The following CDH19 variants were observed in gnomAD, a reference collection of about 807,000 sequenced individuals.
The protein encoded by CDH19 is cadherin-19.
In CDH19, 67 loss-of-function variants were observed where a neutral mutation model predicts 64.2. The observed-to-expected ratio is 1.04, with a 90% confidence interval of 0.86 to 1.28. The LOEUF (loss-of-function observed/expected upper bound fraction) is 1.28. Among genes scored for constraint, CDH19 ranks in the 50% most tolerant of loss-of-function variants. The pLI, the probability that CDH19 is intolerant of heterozygous loss-of-function variation, is 0.00. For missense variants in CDH19, 1,030 were observed against 929.0 expected (o/e 1.11, Z -1.41); for synonymous variants, 346 against 319.3 (o/e 1.08, Z -0.89).
At chr18:66,514,094 T>A (rs554913005) in intron 9 of CDH19, among the ~76,000 whole-genome samples, 1 of 151,620 alleles carries the variant, frequency 6.6e-6, no homozygotes, top group South Asian at 2.1e-4. Flanking sequence ...TGTTCCCATG[T>A]TATAAATGTT....
intron 7 of CDH19, among the ~76,000 whole-genome samples, chr18:66,538,100 C>A (rs141834534): frequency 4.6e-5 from 7 of 151,902 alleles, no homozygotes; most frequent in Non-Finnish European, 7.4e-5. Context: ...CACTGCAATC[C>A]CTAAATAGTA....
At chr18:66,545,349 A>T (rs1416099582) in intron 5 of CDH19, among the ~76,000 whole-genome samples, 1 of 151,068 alleles carries the variant, frequency 6.6e-6, no homozygotes, top group African/African-American at 2.4e-5. Flanking sequence ...CTTGTTCTTA[A>T]TCTTTCTTTA....
At chr18:66,533,651 A>G (rs1318686701) in intron 8 of CDH19, among the ~76,000 whole-genome samples, 2 of 152,002 alleles carry the variant, frequency 1.3e-5, no homozygotes, top group African/African-American at 4.8e-5. Context: ...CTTAGCTAGC[A>G]TACTGATAAA....
rs1274759719 is a variant in CDH19 at position 66,504,315 on chromosome 18, A to G, written c.*497T>C. 1.8e-5 allele frequency: 2 copies of G among 113,896 alleles called. No homozygotes were observed. Among genetic ancestry groups the G allele is most frequent in the Non-Finnish European group, 3.9e-5 (2 of 51,110 alleles). 7.1% of individuals were successfully genotyped at this position (113,896 alleles called of 1,614,324 possible). ...TCTTTTTTTTTTTTTTTTTTTTTAA[A>G]TAAAGGAAACAATACTTCATGGAAT... On this transcript the variant is annotated 3_prime_UTR_variant, in exon 12 of 12. Coordinates refer to ENST00000262150, the MANE Select transcript of CDH19 (RefSeq NM_021153.4).
rs1382135018 is a variant in CDH19 at position 66,502,924 on chromosome 18, T to A, written c.*1888A>T. 6.6e-6 allele frequency: 1 copy of A among 151,918 alleles called. No homozygotes were observed. The highest frequency in any genetic ancestry group is 2.4e-5 in the African/African-American group (1 of 41,438). 9.4% of individuals were successfully genotyped at this position (151,918 alleles called of 1,614,324 possible). On this transcript the variant is annotated 3_prime_UTR_variant, in exon 12 of 12. Coordinates refer to ENST00000262150, the MANE Select transcript of CDH19 (RefSeq NM_021153.4). ...CAATTTAATGGTGCCTGTTTCAGATTGATGAAAAACTTTCTTTATTATGTG... is the reference window on the plus strand; with the variant it reads ...CAATTTAATGGTGCCTGTTTCAGATAGATGAAAAACTTTCTTTATTATGTG...
chr18:66,520,770 A>T (rs1301227953), intron 9 of CDH19, among the ~76,000 whole-genome samples: 1 of 152,064 alleles, frequency 6.6e-6, no homozygotes, highest in Admixed American at 6.5e-5. Context: ...TTTTCAATAC[A>T]AGTCTTCAAG....
In CDH19 at chr18:66,568,550, A is replaced by G. The variant is rs570335688; in HGVS notation, c.356T>C (p.Val119Ala). ...AGCCCTTCCAGTAGCGATGTCTATT[A>G]CCTGGGCTCTTAAGATGTAGAGGGA... ...ERSLYILRAQ[V>A]IDIATGRAVE... The change falls in exon 3 of 12, where the codon GTA (valine) becomes GCA (alanine). Residue 119 changes from valine (V) to alanine (A), a missense_variant. Val to Ala is a moderately conservative substitution (Grantham distance 64, BLOSUM62 0). Coordinates refer to ENST00000262150, the MANE Select transcript of CDH19 (RefSeq NM_021153.4). The G allele has an allele frequency of 6.2e-7, 1 of 1,612,184 alleles. No individual in the cohort carries two copies. Among genetic ancestry groups the G allele is most frequent in the Admixed American group, 1.7e-5 (1 of 59,748 alleles).
At chr18:66,581,835 T>G (rs1988429919) in intron 1 of CDH19, among the ~76,000 whole-genome samples, 2 of 152,102 alleles carry the variant, frequency 1.3e-5, no homozygotes, top group Non-Finnish European at 2.9e-5. Context: ...TTAATTCTCC[T>G]AATAAACTCC....
intron 1 of CDH19, chr18:66,596,173 G>C (rs994534263): frequency 2.0e-5 from 3 of 151,902 alleles, no homozygotes; most frequent in Non-Finnish European, 4.4e-5. Context: ...AATATAATAA[G>C]AGCCATCTAT....
intron 5 of CDH19, among the ~76,000 whole-genome samples, chr18:66,545,996 C>T (rs1444777880): frequency 6.6e-6 from 1 of 151,124 alleles, no homozygotes; most frequent in East Asian, 1.9e-4. Context: ...TGATATAGAA[C>T]TATACTATTT....
chr18:66,575,210 TA>T (rs1486425109), intron 1 of CDH19, among the ~76,000 whole-genome samples: 4 of 151,826 alleles, frequency 2.6e-5, no homozygotes, highest in Non-Finnish European at 5.9e-5. Context: ...AGTCATTTTT[TA>T]TGGACTCTGG....
chr18:66,596,943 G>C (rs542462070), intron 1 of CDH19, among the ~76,000 whole-genome samples: 1 of 147,916 alleles, frequency 6.8e-6, no homozygotes, highest in Admixed American at 6.8e-5. Context: ...TTAGCCGGGC[G>C]TAGTGGCGGG....
At position 66,529,977 on chromosome 18, in the gene CDH19, A is replaced by AAT. The variant is rs1299187949; in HGVS notation, c.1337-13_1337-12dup. The AAT allele has an allele frequency of 3.7e-6, 5 of 1,354,742 alleles. No homozygotes were observed. Among genetic ancestry groups the AAT allele is most frequent in the South Asian group, 1.6e-5 (1 of 63,676 alleles). The allele number at this position is 1,354,742 out of a possible 1,614,324, so 83.9% of individuals were successfully genotyped here. Reference sequence around the variant, plus strand: ...TCTGTTCTATATTGTCTGCAATTTGAATATATATAATAAAAATCTAACATA... The same window carrying AAT: ...TCTGTTCTATATTGTCTGCAATTTGAATATATATATAATAAAAATCTAACATA... On this transcript the variant is annotated splice_polypyrimidine_tract_variant and intron_variant, in intron 8 of 11. Coordinates refer to ENST00000262150, the MANE Select transcript of CDH19 (RefSeq NM_021153.4).
intron 1 of CDH19, among the ~76,000 whole-genome samples, chr18:66,590,526 TA>T (rs34507203): frequency 0.35 from 51,905 of 147,292 alleles, 10,082 homozygotes; most frequent in Non-Finnish European, 0.46. Context: ...CGTATATCTT[TA>T]AAAAAAAAAA....
chr18:66,526,278 A>G (rs1312276320), intron 9 of CDH19, among the ~76,000 whole-genome samples: 1 of 152,036 alleles, frequency 6.6e-6, no homozygotes, highest in African/African-American at 2.4e-5. Context: ...TACATTTATA[A>G]AAAGTATTTT....
intron 1 of CDH19, among the ~76,000 whole-genome samples, chr18:66,585,459 C>T (rs1988549897): frequency 1.3e-5 from 2 of 152,130 alleles, no homozygotes; most frequent in South Asian, 4.1e-4. Context: ...GGACGAATAG[C>T]TCGACCTCTG....
chr18:66,588,632 A>ATATC lies in CDH19; in HGVS notation c.-113+15321_-113+15322insGATA, dbSNP rs1568211892. On this transcript the variant is annotated intron_variant, in intron 1 of 11. Coordinates refer to ENST00000262150, the MANE Select transcript of CDH19 (RefSeq NM_021153.4). ...TATATATCTATATCTATATCTATAT[A>ATATC]TATATAGATACAGCTCAGATTTATT... Among the ~76,000 whole-genome samples, 115 of 142,348 alleles carry ATATC rather than the reference A, an allele frequency of 8.1e-4. 3 individuals carry two copies. Among genetic ancestry groups the ATATC allele is most frequent in the African/African-American group, 2.8e-3 (113 of 40,814 alleles). 93.4% of individuals were successfully genotyped at this position (142,348 alleles called of 152,430 possible).
At chr18:66,542,409 A>C (rs1986922722) in intron 7 of CDH19, among the ~76,000 whole-genome samples, 1 of 152,152 alleles carries the variant, frequency 6.6e-6, no homozygotes, top group South Asian at 2.1e-4. Context: ...GTGAGTAAGG[A>C]AAGGTGTTGG....
At chr18:66,571,960 T>G (rs1161519124) in intron 2 of CDH19, 50 bp downstream of exon 2, 1 of 1,358,420 alleles carries the variant, frequency 7.4e-7, no homozygotes, top group East Asian at 2.3e-5. Context: ...TCCAACATAT[T>G]TATTTACATT....
Sources: allele counts gnomAD v4.1 joint callset (sites outside exome capture counted in the v4.1 genomes callset), GRCh38; gene constraint gnomAD v4.1.1; transcripts MANE v1.5; gene names NCBI Gene and HGNC (gene_info 2026-07-23, HGNC 2026-07-21).